Variants in PPM1B observed in about 807,000 individuals in gnomAD.
The protein encoded by PPM1B is protein phosphatase, Mg2+/Mn2+ dependent 1B.
PPM1B carries 22 observed loss-of-function variants against 43.0 expected under a neutral mutation model. The ratio of observed to expected loss-of-function variants is 0.51; its 90% CI spans 0.37 to 0.73. PPM1B has a LOEUF of 0.73. Among genes scored for constraint, PPM1B ranks in the 30% least tolerant of loss-of-function variants. The probability of loss-of-function intolerance (pLI) is 0.00; values close to 1 mark genes in which losing one functional copy is unlikely to be tolerated. For missense variants in PPM1B, 632 were observed against 584.2 expected (o/e 1.08, Z -0.84); for synonymous variants, 217 against 197.9 (o/e 1.10, Z -0.81).
At chr2:44,235,884 G>A (rs992993377), downstream of PPM1B, among the ~76,000 whole-genome samples, 4 of 152,038 alleles carry the variant, frequency 2.6e-5, no homozygotes, top group East Asian at 5.8e-4. Context: ...GGGCAACAGC[G>A]AGACTCCATC....
intron 1 of PPM1B, among the ~76,000 whole-genome samples, chr2:44,174,616 GTGT>G (rs1667495506): frequency 6.6e-6 from 1 of 152,256 alleles, no homozygotes; most frequent in South Asian, 2.1e-4. Context: ...AAATGAATAA[GTGT>G]TGTTTGCCAG....
downstream of PPM1B, chr2:44,233,796 A>G: frequency 1.0e-6 from 1 of 985,588 alleles, no homozygotes; most frequent in Non-Finnish European, 1.2e-6. Context: ...AATTATTGCC[A>G]CAATATATTT....
At chr2:44,228,559 T>G (rs1670328739) in intron 5 of PPM1B, among the ~76,000 whole-genome samples, 1 of 152,268 alleles carries the variant, frequency 6.6e-6, no homozygotes, top group Non-Finnish European at 1.5e-5. Flanking sequence ...TTTATTAGTG[T>G]TATCTTTGTT....
At chr2:44,228,460 C>A (rs1200448311) in intron 5 of PPM1B, among the ~76,000 whole-genome samples, 2 of 152,166 alleles carry the variant, frequency 1.3e-5, no homozygotes, top group South Asian at 4.1e-4. Flanking sequence ...ACACGAGTCA[C>A]TGCTCCTGGC....
chr2:44,237,102 A>G (rs1218509608), downstream of PPM1B, among the ~76,000 whole-genome samples: 2 of 152,248 alleles, frequency 1.3e-5, no homozygotes, highest in South Asian at 2.1e-4. Context: ...ATTCTGTACT[A>G]GAAAATGCAC....
At chr2:44,185,829 C>G (rs74571708) in intron 1 of PPM1B, among the ~76,000 whole-genome samples, 2 of 152,160 alleles carry the variant, frequency 1.3e-5, no homozygotes, top group African/African-American at 4.8e-5. Flanking sequence ...TGTAAAATAT[C>G]TCTTAAACAA....
chr2:44,211,842 G>T (rs770180437), intron 3 of PPM1B, among the ~76,000 whole-genome samples: 2 of 150,930 alleles, frequency 1.3e-5, no homozygotes, highest in Non-Finnish European at 3.0e-5. Flanking sequence ...CTCTGCCTCC[G>T]GGGTTCAAGT....
intron 5 of PPM1B, chr2:44,219,216 C>G (rs938239722): frequency 6.7e-6 from 1 of 149,338 alleles, no homozygotes; most frequent in Non-Finnish European, 1.5e-5. Flanking sequence ...TTTTTTAAAT[C>G]CAAGTTAGTT....
intron 3 of PPM1B, among the ~76,000 whole-genome samples, chr2:44,211,409 A>G (rs1572730257): frequency 6.6e-6 from 1 of 152,130 alleles, no homozygotes; most frequent in East Asian, 1.9e-4. Context: ...TCTTGATAAG[A>G]TTTAGGTTAT....
Position 44,201,059 on chromosome 2 carries a change from T to C in PPM1B, c.-14-127T>C. The C allele has an allele frequency of 3.0e-6, 3 of 1,002,210 alleles. 1 individual carries two copies. Among genetic ancestry groups the C allele is most frequent in the Non-Finnish European group, 4.2e-6 (3 of 716,644 alleles). 62.1% of individuals were successfully genotyped at this position (1,002,210 alleles called of 1,614,324 possible). ...AGGAAATTTCTTGGGCTTTTGTTGT[T>C]GCTCCCGTAAATTAGGATAATACTA... On this transcript the variant is annotated intron_variant, in intron 1 of 5. Coordinates refer to ENST00000282412, the MANE Select transcript of PPM1B (RefSeq NM_002706.6). The surrounding 1 kb of genome is among the most constrained non-coding windows in gnomAD (Gnocchi z 5.4).
chr2:44,199,238 A>T (rs1481357694), intron 1 of PPM1B, among the ~76,000 whole-genome samples: 2 of 143,410 alleles, frequency 1.4e-5, no homozygotes, highest in Non-Finnish European at 3.0e-5. Context: ...AGCCTGGGCG[A>T]TAAAGCGAGA....
intron 2 of PPM1B, among the ~76,000 whole-genome samples, chr2:44,207,261 T>G (rs1005266121): frequency 2.2e-4 from 33 of 152,320 alleles, no homozygotes; most frequent in African/African-American, 7.7e-4. Context: ...GGCATAAGTC[T>G]GAACCGAGCC....
downstream of PPM1B, chr2:44,234,476 G>C (rs1028642143): frequency 1.2e-6 from 1 of 836,484 alleles, no homozygotes; most frequent in East Asian, 1.3e-4. Context: ...CTAAGATCGC[G>C]CCACTGCACT....
At chr2:44,238,540 A>G (rs1385052913), downstream of PPM1B, among the ~76,000 whole-genome samples, 1 of 151,960 alleles carries the variant, frequency 6.6e-6, no homozygotes, top group Non-Finnish European at 1.5e-5. Context: ...CGTCTCTACT[A>G]AAAATAGAAA....
chr2:44,215,651 CAG>C (rs1395791112), intron 3 of PPM1B, among the ~76,000 whole-genome samples: 4 of 152,018 alleles, frequency 2.6e-5, no homozygotes, highest in African/African-American at 9.7e-5. Context: ...TTAAAATAAA[CAG>C]GGAATAGTAG....
intron 1 of PPM1B, among the ~76,000 whole-genome samples, chr2:44,175,551 A>G (rs1667542247): frequency 6.6e-6 from 1 of 152,184 alleles, no homozygotes; most frequent in African/African-American, 2.4e-5. Context: ...GCATTCTGTT[A>G]ACCAGCAACT....
chr2:44,176,999 C>G (rs186284395), intron 1 of PPM1B, among the ~76,000 whole-genome samples: 48 of 152,258 alleles, frequency 3.2e-4, no homozygotes, highest in Non-Finnish European at 8.8e-5. Flanking sequence ...AAGCTGGTCT[C>G]AAACTCCTGA....
chr2:44,180,967 T>C (rs897924612), intron 1 of PPM1B, among the ~76,000 whole-genome samples: 3 of 152,108 alleles, frequency 2.0e-5, no homozygotes, highest in African/African-American at 7.2e-5. Flanking sequence ...TTGTTTTGTT[T>C]TGGAGACAGG....
chr2:44,196,681 C>T (rs1668678683), intron 1 of PPM1B, among the ~76,000 whole-genome samples: 1 of 152,130 alleles, frequency 6.6e-6, no homozygotes, highest in African/African-American at 2.4e-5. Context: ...TTTACGTATT[C>T]AGTCCTTTAT....
Sources: gnomAD v4.1 joint callset for allele counts (sites outside exome capture counted in the v4.1 genomes callset) on GRCh38, gnomAD v4.1.1 for gene constraint, Gnocchi (gnomAD v3.1) non-coding constraint, MANE v1.5 for transcripts, NCBI Gene and HGNC (gene_info 2026-07-23, HGNC 2026-07-21) for gene names.